Variants in ATXN7L1 observed in about 807,000 individuals in gnomAD.
The protein encoded by ATXN7L1 is ataxin 7 like 1, also known as ataxin-7-like protein 1.
A neutral mutation model predicts 70.8 loss-of-function variants in ATXN7L1; 15 were observed. The observed-to-expected ratio is 0.21, with a 90% CI of 0.14 to 0.33. The LOEUF is 0.33. Among genes scored for constraint, ATXN7L1 ranks in the 10% least tolerant of loss-of-function variants. ATXN7L1 has a pLI of 1.00. For synonymous variants in ATXN7L1, 440 were observed against 445.1 expected, an observed-to-expected ratio of 0.99 and a Z score of 0.14; for missense variants, 975 against 1,097.1, an observed-to-expected ratio of 0.89 and a Z score of 1.57.
intron 3 of ATXN7L1, among the ~76,000 whole-genome samples, chr7:105,682,402 T>G (rs1341592752): frequency 6.6e-6 from 1 of 152,186 alleles, no homozygotes. Flanking sequence ...AGAATTACCA[T>G]ATGGACCAAA....
At position 105,638,501 on chromosome 7, in the gene ATXN7L1, C is replaced by T. The variant is rs952925035; in HGVS notation, c.1054G>A (p.Glu352Lys). ...TCCCTCGTGGAAGTCAGGAGATGCTCTTTATCTTTAACTTCTTTTTCCCGG... is the reference window on the plus strand; with the variant it reads ...TCCCTCGTGGAAGTCAGGAGATGCTTTTTATCTTTAACTTCTTTTTCCCGG... ...KSREKEVKDK[E>K]HLLTSTREIL... is the part of the protein sequence containing the mutation. Residue 352 changes from glutamate to lysine, a missense_variant, in exon 7 of 12, where the codon GAG becomes AAG. Around this residue, in one of 5 missense-constraint regions of ATXN7L1, gnomAD observed 635 missense variants for 699.4 expected, o/e 0.91. Coordinates refer to ENST00000419735, the MANE Select transcript of ATXN7L1 (RefSeq NM_020725.2). 8.4e-6 allele frequency: 13 copies of T among 1,552,192 alleles called. No individual in the cohort carries two copies. In the South Asian group the frequency reaches 1.3e-4, roughly 16 times the overall value.
At chr7:105,797,700 C>T (rs1806198510) in intron 2 of ATXN7L1, among the ~76,000 whole-genome samples, 1 of 152,230 alleles carries the variant, frequency 6.6e-6, no homozygotes, top group South Asian at 2.1e-4. Context: ...ATGTTATTAT[C>T]TGTGGCCTTC....
chr7:105,757,506 T>G (rs1799944581), intron 3 of ATXN7L1, among the ~76,000 whole-genome samples: 1 of 152,062 alleles, frequency 6.6e-6, no homozygotes, highest in African/African-American at 2.4e-5. Context: ...TGAATTCTTT[T>G]TCACCAAAAA....
chr7:105,693,137 G>A (rs568523326), intron 3 of ATXN7L1, among the ~76,000 whole-genome samples: 3 of 152,292 alleles, frequency 2.0e-5, no homozygotes, highest in East Asian at 1.9e-4. Flanking sequence ...TACCTGAGGA[G>A]TTCAGAAAAC....
At chr7:105,739,251 T>A (rs909926840) in intron 3 of ATXN7L1, among the ~76,000 whole-genome samples, 1 of 152,168 alleles carries the variant, frequency 6.6e-6, no homozygotes, top group Non-Finnish European at 1.5e-5. Context: ...AAAAATGGGT[T>A]CAAATCCCAT....
At chr7:105,803,796 T>G (rs896168373) in intron 2 of ATXN7L1, among the ~76,000 whole-genome samples, 6 of 152,276 alleles carry the variant, frequency 3.9e-5, no homozygotes, top group Non-Finnish European at 7.4e-5. Context: ...ATAGGAACAG[T>G]CTATGATTTT....
chr7:105,780,976 C>T lies in ATXN7L1; in HGVS notation c.355+7628G>A, dbSNP rs370518055. ...ATAAACAGGGGCATGTTATATTTTA[C>T]GGCAGTAGTTCCCAACTGGGGGCGA... On this transcript the variant is annotated intron_variant, in intron 3 of 11. Transcript: ENST00000419735. Among the ~76,000 whole-genome samples the T allele has an allele frequency of 2.0e-4, 31 of 152,278 alleles. No homozygotes were observed. In the East Asian group the frequency reaches 2.1e-3, roughly 10 times the overall value.
chr7:105,845,719 C>A (rs1419576279), intron 2 of ATXN7L1, among the ~76,000 whole-genome samples: 1 of 152,112 alleles, frequency 6.6e-6, no homozygotes, highest in African/African-American at 2.4e-5. Flanking sequence ...ATCAATGGAA[C>A]AGAACTGAGA....
At position 105,778,509 on chromosome 7, in the gene ATXN7L1, T is replaced by TC. The variant is rs1563085029; in HGVS notation, c.355+10094dup. On this transcript the variant is annotated intron_variant, in intron 3 of 11. Coordinates refer to ENST00000419735, the MANE Select transcript of ATXN7L1 (RefSeq NM_020725.2). ...TTGGGCAACAGAGGAAGACCCTATC[T>TC]CAAAAAAAAAAAAAAAAAAAAAAAA... 1.7e-3 allele frequency among the ~76,000 whole-genome samples: 62 copies of TC among 35,964 alleles called. 1 individual carries two copies. The Admixed American group carries it at 0.018, about 11-fold the overall frequency. 23.6% of individuals were successfully genotyped at this position (35,964 alleles called of 152,430 possible).
chr7:105,690,664 C>T (rs570877869), intron 3 of ATXN7L1, among the ~76,000 whole-genome samples: 24 of 152,326 alleles, frequency 1.6e-4, no homozygotes, highest in African/African-American at 5.3e-4. Context: ...TAGACTGGGA[C>T]TCCACATTCA....
intron 2 of ATXN7L1, among the ~76,000 whole-genome samples, chr7:105,871,516 A>C (rs1818263145): frequency 6.6e-6 from 1 of 152,216 alleles, no homozygotes; most frequent in Admixed American, 6.5e-5. Flanking sequence ...GTTCGAGACC[A>C]GCCTGGCTAA....
At chr7:105,759,060 AAC>A (rs1207172297) in intron 3 of ATXN7L1, among the ~76,000 whole-genome samples, 1 of 152,022 alleles carries the variant, frequency 6.6e-6, no homozygotes, top group African/African-American at 2.4e-5. Context: ...AAACCCATGT[AAC>A]ACATCACCAA....
chr7:105,633,577 G>A (rs1017471133), intron 7 of ATXN7L1, among the ~76,000 whole-genome samples: 7 of 152,102 alleles, frequency 4.6e-5, no homozygotes, highest in African/African-American at 1.7e-4. Context: ...AAATTAGCCA[G>A]CCTATGGTGG....
At chr7:105,874,097 C>G (rs968149866) in intron 2 of ATXN7L1, among the ~76,000 whole-genome samples, 9 of 148,760 alleles carry the variant, frequency 6.1e-5, no homozygotes, top group Admixed American at 4.7e-4. Context: ...TGTACTCCAG[C>G]CTGGCGACAG....
intron 2 of ATXN7L1, among the ~76,000 whole-genome samples, chr7:105,798,436 C>T (rs981053976): frequency 5.9e-5 from 9 of 152,236 alleles, no homozygotes; most frequent in Non-Finnish European, 1.3e-4. Flanking sequence ...CTCAGCTCTG[C>T]ACTGTCTGAC....
At chr7:105,854,151 T>G (rs950471496) in intron 2 of ATXN7L1, among the ~76,000 whole-genome samples, 10 of 151,142 alleles carry the variant, frequency 6.6e-5, no homozygotes, top group Non-Finnish European at 4.4e-5. Context: ...ACTGCCATCC[T>G]GCTATAAATC....
chr7:105,834,533 T>A (rs1812084465), intron 2 of ATXN7L1, among the ~76,000 whole-genome samples: 2 of 152,336 alleles, frequency 1.3e-5, no homozygotes, highest in Middle Eastern at 3.4e-3. Context: ...CCTACTCAGT[T>A]TATGTGCCCA....
intron 4 of ATXN7L1, among the ~76,000 whole-genome samples, chr7:105,651,659 T>C (rs62487036): frequency 0.067 from 10,173 of 152,260 alleles, 405 homozygotes; most frequent in Non-Finnish European, 0.089. Context: ...CCAGGACCTG[T>C]CAGCCCTACT....
At chr7:105,667,609 G>A (rs1487446634) in intron 3 of ATXN7L1, among the ~76,000 whole-genome samples, 1 of 113,550 alleles carries the variant, frequency 8.8e-6, no homozygotes, top group African/African-American at 2.8e-5. Flanking sequence ...TGAGGCGGGA[G>A]AATGGCGTGA....
Sources: allele counts gnomAD v4.1 joint callset (sites outside exome capture counted in the v4.1 genomes callset), GRCh38; gene constraint gnomAD v4.1.1; regional missense constraint gnomAD v4.1.1; transcripts MANE v1.5; gene names NCBI Gene and HGNC (gene_info 2026-07-23, HGNC 2026-07-21).